The following VSTM4 variants were observed in gnomAD, a reference collection of about 807,000 sequenced individuals.
The protein encoded by VSTM4 is V-set and transmembrane domain containing 4.
In VSTM4, 20 loss-of-function variants were observed where a neutral mutation model predicts 36.4. That is an observed-to-expected ratio of 0.55 (90% CI 0.39 to 0.80). The LOEUF is 0.80. Among genes scored for constraint, VSTM4 ranks in the 30% least tolerant of loss-of-function variants. The pLI is 0.00. For missense variants in VSTM4, 392 were observed against 404.5 expected (o/e 0.97, Z 0.26); for synonymous variants, 182 against 173.9 (o/e 1.05, Z -0.37).
chr10:49,081,692 C>T (rs1429397950), intron 3 of VSTM4, among the ~76,000 whole-genome samples: 1 of 152,202 alleles, frequency 6.6e-6, no homozygotes, highest in Non-Finnish European at 1.5e-5. Flanking sequence ...AAACATCTGG[C>T]GACTCTGGAA....
chr10:49,018,813 G>T lies in VSTM4; in HGVS notation c.*837C>A, dbSNP rs1282997938. ...GCACCTGGCAGCAGACACCTTCAGG[G>T]GCTGAATCAGAGGTGACTGAGCTTG... On this transcript the variant is annotated 3_prime_UTR_variant, in exon 8 of 8. Transcript: ENST00000332853. 6.6e-6 allele frequency: 1 copy of T among 152,210 alleles called. No individual in the cohort carries two copies. Among genetic ancestry groups the T allele is most frequent in the East Asian group, 1.9e-4 (1 of 5,182 alleles). 9.4% of individuals were successfully genotyped at this position (152,210 alleles called of 1,614,324 possible). A position where few individuals can be genotyped will look rare whatever the true frequency, so the allele number is the denominator to read the frequency against.
At chr10:49,113,340 C>T (rs992625998) in intron 1 of VSTM4, among the ~76,000 whole-genome samples, 3 of 152,210 alleles carry the variant, frequency 2.0e-5, no homozygotes, top group African/African-American at 7.2e-5. Flanking sequence ...GACTGATTCA[C>T]TCACATTAGC....
rs545688722 is a variant in VSTM4, at chr10:49,030,396, C to T, written c.838-10621G>A. ...GAGACACATGGGGCCTAGGCACTCT[C>T]GGAGGCACCAAACGCCCCACCTACT... On this transcript the variant is annotated intron_variant, in intron 7 of 7. Coordinates refer to ENST00000332853, the MANE Select transcript of VSTM4 (RefSeq NM_001031746.5). Among the ~76,000 whole-genome samples, 13 of 152,294 alleles carry T rather than the reference C, an allele frequency of 8.5e-5. No individual in the cohort carries two copies. The East Asian group carries it at 1.5e-3, about 18-fold the overall frequency.
At chr10:49,060,824 T>G (rs1843864756) in intron 5 of VSTM4, among the ~76,000 whole-genome samples, 1 of 152,220 alleles carries the variant, frequency 6.6e-6, no homozygotes, top group Non-Finnish European at 1.5e-5. Flanking sequence ...TAAGATCTAT[T>G]TTTAGTTAAT....
At chr10:49,050,414 GAGAT>G (rs1843679557) in intron 5 of VSTM4, among the ~76,000 whole-genome samples, 1 of 152,156 alleles carries the variant, frequency 6.6e-6, no homozygotes, top group South Asian at 2.1e-4. Flanking sequence ...TGGGTAATAA[GAGAT>G]AGGCTATTCT....
At chr10:49,103,882 C>T in intron 2 of VSTM4, 1 of 1,610,434 alleles carries the variant, frequency 6.2e-7, no homozygotes, top group Non-Finnish European at 8.5e-7. Flanking sequence ...AGGGAGGTGA[C>T]ATGAGCAGGT....
At chr10:49,039,862 C>T (rs1267369584) in intron 7 of VSTM4, among the ~76,000 whole-genome samples, 2 of 152,190 alleles carry the variant, frequency 1.3e-5, no homozygotes, top group Non-Finnish European at 2.9e-5. Flanking sequence ...GCTACTTGGC[C>T]TCTGAATCAA....
chr10:49,041,333 T>C (rs1843518070), intron 7 of VSTM4, among the ~76,000 whole-genome samples: 1 of 152,234 alleles, frequency 6.6e-6, no homozygotes. Flanking sequence ...TATAAAAGCT[T>C]CCAATTTCTT....
intron 6 of VSTM4, among the ~76,000 whole-genome samples, chr10:49,048,272 A>G (rs1843644348): frequency 6.6e-6 from 1 of 152,186 alleles, no homozygotes; most frequent in Non-Finnish European, 1.5e-5. Context: ...CTCCACCCCC[A>G]ACCCAAGTAC....
At chr10:49,034,015 A>G (rs1246672286) in intron 7 of VSTM4, among the ~76,000 whole-genome samples, 1 of 152,020 alleles carries the variant, frequency 6.6e-6, no homozygotes, top group African/African-American at 2.4e-5. Context: ...CATCATCATC[A>G]CCATTATTAC....
intron 7 of VSTM4, among the ~76,000 whole-genome samples, chr10:49,034,410 T>C (rs141042567): frequency 5.4e-4 from 83 of 152,354 alleles, no homozygotes; most frequent in Non-Finnish European, 9.4e-4. Flanking sequence ...ATGTCGGCAA[T>C]GGGCACATAT....
chr10:49,041,696 T>C (rs946963006), intron 7 of VSTM4, among the ~76,000 whole-genome samples: 9 of 152,216 alleles, frequency 5.9e-5, no homozygotes, highest in African/African-American at 1.9e-4. Flanking sequence ...ACCCAGGCTA[T>C]GCACTAGGGG....
chr10:49,058,758 C>A (rs560862088), intron 5 of VSTM4, among the ~76,000 whole-genome samples: 2 of 152,352 alleles, frequency 1.3e-5, no homozygotes, highest in South Asian at 2.1e-4. Flanking sequence ...GTGACCGCAG[C>A]CTCAGAGCCA....
chr10:49,052,545 T>C (rs1590088679), intron 5 of VSTM4, among the ~76,000 whole-genome samples: 1 of 15,382 alleles, frequency 6.5e-5, no homozygotes, highest in African/African-American at 6.9e-5. Flanking sequence ...TTTGGACATA[T>C]TTATTGAAAA....
At chr10:49,113,883 TGACCATGGGCACAGCCAGGGCA>T (rs1844942307) in intron 1 of VSTM4, among the ~76,000 whole-genome samples, 1 of 152,174 alleles carries the variant, frequency 6.6e-6, no homozygotes, top group Non-Finnish European at 1.5e-5. Flanking sequence ...CCTCCAGGGC[TGACCATGGGCACAGCCAGGGCA>T]GACTCTAAAG....
At chr10:49,069,520 C>T (rs1844035405) in intron 4 of VSTM4, among the ~76,000 whole-genome samples, 1 of 152,230 alleles carries the variant, frequency 6.6e-6, no homozygotes, top group Non-Finnish European at 1.5e-5. Context: ...AAGCACCTCC[C>T]TCATTCAGGG....
intron 6 of VSTM4, among the ~76,000 whole-genome samples, chr10:49,048,092 G>C (rs953566795): frequency 4.6e-5 from 7 of 152,146 alleles, no homozygotes; most frequent in Admixed American, 1.3e-4. Flanking sequence ...AAAATTCAGA[G>C]AGCTTTTCTT....
chr10:49,080,798 C>T (rs907892488), intron 3 of VSTM4, among the ~76,000 whole-genome samples: 1 of 152,206 alleles, frequency 6.6e-6, no homozygotes, highest in Non-Finnish European at 1.5e-5. Flanking sequence ...TGGAGGAAAG[C>T]CCTGTCAGTA....
intron 2 of VSTM4, 116 bp downstream of exon 2, chr10:49,107,478 C>T: frequency 3.0e-6 from 4 of 1,345,632 alleles, no homozygotes; most frequent in Middle Eastern, 2.5e-4. Context: ...CAGAGGCCCA[C>T]AAGATATGTT....
Sources: allele counts gnomAD v4.1 joint callset (sites outside exome capture counted in the v4.1 genomes callset), GRCh38; gene constraint gnomAD v4.1.1; transcripts MANE v1.5; gene names NCBI Gene and HGNC (gene_info 2026-07-23, HGNC 2026-07-21).